LRP6: variants seen among roughly 807,000 people sequenced by gnomAD.
LRP6 encodes LDL receptor related protein 6, also known as low-density lipoprotein receptor-related protein 6.
LRP6 carries 43 observed loss-of-function variants against 184.1 expected under a neutral mutation model. The observed-to-expected ratio is 0.23, with a 90% CI of 0.18 to 0.30. The LOEUF is 0.30. Ranked by LOEUF, LRP6 falls within the 10% of genes least tolerant of loss-of-function variation. The pLI is 1.00. For synonymous variants in LRP6, 719 were observed against 684.9 expected (o/e 1.05, Z -0.78); for missense variants, 1,571 against 2,005.3 (o/e 0.78, Z 4.14).
At chr12:12,259,327 CTT>C (rs1473143840) in intron 1 of LRP6, among the ~76,000 whole-genome samples, 1 of 150,206 alleles carries the variant, frequency 6.7e-6, no homozygotes, top group Admixed American at 6.6e-5. Context: ...TCATCAATAA[CTT>C]TAGGCCTGGT....
chr12:12,218,293 C>T (rs1056815140), intron 2 of LRP6, among the ~76,000 whole-genome samples: 5 of 151,854 alleles, frequency 3.3e-5, no homozygotes, highest in Non-Finnish European at 5.9e-5. Flanking sequence ...GGCAACATAA[C>T]GAGAACCCCC....
intron 11 of LRP6, among the ~76,000 whole-genome samples, 167 bp downstream of exon 11, chr12:12,159,613 G>A (rs937097437): frequency 6.6e-6 from 1 of 152,098 alleles, no homozygotes; most frequent in Non-Finnish European, 1.5e-5. Context: ...ATGAATCCAA[G>A]TACCTGGATC....
At chr12:12,172,003 G>A (rs1020060995) in intron 7 of LRP6, among the ~76,000 whole-genome samples, 2 of 152,140 alleles carry the variant, frequency 1.3e-5, no homozygotes, top group Non-Finnish European at 2.9e-5. Flanking sequence ...TGTATATTCT[G>A]AACCCAGAAC....
intron 2 of LRP6, among the ~76,000 whole-genome samples, chr12:12,240,619 T>C (rs894639031): frequency 6.6e-6 from 1 of 152,066 alleles, no homozygotes; most frequent in African/African-American, 2.4e-5. Context: ...TTTTAAAATA[T>C]AAATATCATT....
At chr12:12,210,253 G>A (rs1864172219) in intron 2 of LRP6, among the ~76,000 whole-genome samples, 1 of 152,274 alleles carries the variant, frequency 6.6e-6, no homozygotes, top group African/African-American at 2.4e-5. Context: ...GTTGAGGACT[G>A]GATCAATATG....
chr12:12,143,118 C>T (rs750721570), intron 15 of LRP6, among the ~76,000 whole-genome samples: 2 of 152,028 alleles, frequency 1.3e-5, no homozygotes, highest in African/African-American at 4.8e-5. Context: ...TTCCATATTC[C>T]AGGCACAATT....
intron 3 of LRP6, among the ~76,000 whole-genome samples, chr12:12,188,766 C>G (rs1863541546): frequency 6.6e-6 from 1 of 152,136 alleles, no homozygotes; most frequent in African/African-American, 2.4e-5. Context: ...CTTTCTTCCA[C>G]TTTTTAAATG....
chr12:12,159,235 G>GA lies in LRP6; in HGVS notation c.2465-81dup, dbSNP rs71061015. ...AATACAAGTGTCTTGCTGGCAAAAAGAAAAAAAAAAGCCCTAACATATAAA... is the reference window on the plus strand; with the variant it reads ...AATACAAGTGTCTTGCTGGCAAAAAGAAAAAAAAAAAGCCCTAACATATAAA... On this transcript the variant is annotated intron_variant, in intron 11 of 22. Transcript: ENST00000261349. The GA allele has an allele frequency of 0.074, 65,542 of 887,840 alleles. 914 individuals are homozygous for GA. Among genetic ancestry groups the GA allele is most frequent in the Middle Eastern group, 0.13 (431 of 3,398 alleles). 55.0% of individuals were successfully genotyped at this position (887,840 alleles called of 1,614,324 possible). A position where few individuals can be genotyped will look rare whatever the true frequency, so the allele number is the denominator to read the frequency against.
At position 12,244,256 on chromosome 12, in the gene LRP6, A is replaced by C; in HGVS notation, c.449+6T>G. On this transcript the variant is annotated splice_donor_region_variant and intron_variant, in intron 2 of 22. Transcript: ENST00000261349. ...GATGATCTTCGTACACTGTACAAAAACTTACCCACTTGAAGGATCTAAGGC... is the reference window on the plus strand; with the variant it reads ...GATGATCTTCGTACACTGTACAAAACCTTACCCACTTGAAGGATCTAAGGC... The C allele has an allele frequency of 6.2e-7, 1 of 1,614,124 alleles. No individual in the cohort carries two copies. Among genetic ancestry groups the C allele is most frequent in the Non-Finnish European group, 8.5e-7 (1 of 1,180,000 alleles).
At chr12:12,203,012 A>C (rs1863955860) in intron 3 of LRP6, among the ~76,000 whole-genome samples, 191 bp downstream of exon 3, 1 of 152,240 alleles carries the variant, frequency 6.6e-6, no homozygotes, top group South Asian at 2.1e-4. Context: ...GTAAATTCTA[A>C]ATGCTATCAA....
chr12:12,137,752 T>C (rs757865960), intron 16 of LRP6, among the ~76,000 whole-genome samples: 8 of 152,184 alleles, frequency 5.3e-5, no homozygotes, highest in African/African-American at 1.9e-4. Context: ...GCAGTCATTG[T>C]TGTACCAGGA....
At chr12:12,176,023 T>C (rs1863173658) in intron 7 of LRP6, among the ~76,000 whole-genome samples, 1 of 45,960 alleles carries the variant, frequency 2.2e-5, no homozygotes, top group Admixed American at 2.8e-4. Context: ...TAAAACCTGA[T>C]CCTAAAAAAA....
chr12:12,215,236 A>G (rs1041775838), intron 2 of LRP6, among the ~76,000 whole-genome samples: 1 of 152,178 alleles, frequency 6.6e-6, no homozygotes, highest in Non-Finnish European at 1.5e-5. Context: ...TAATAAGGAA[A>G]AGTTTGAGGA....
intron 2 of LRP6, among the ~76,000 whole-genome samples, chr12:12,203,711 T>C (rs1046700759): frequency 2.0e-5 from 3 of 152,156 alleles, no homozygotes; most frequent in African/African-American, 7.2e-5. Flanking sequence ...GAGGTTGCAG[T>C]AAGCTGAGAT....
Position 12,164,578 on chromosome 12 carries a change from T to A in LRP6, c.1763-16A>T. 1 of 1,613,370 alleles carries A rather than the reference T, an allele frequency of 6.2e-7. No individual in the cohort carries two copies. The highest frequency in any genetic ancestry group is 8.5e-7 in the Non-Finnish European group (1 of 1,179,512). On this transcript the variant is annotated splice_polypyrimidine_tract_variant and intron_variant, in intron 8 of 22. Transcript: ENST00000261349. ...GGGTTGGAACCTAAAAGATTAATTA[T>A]AAAAGGGGCACAGAAGGACACACAC...
At chr12:12,166,491 T>C (rs1862881860) in intron 7 of LRP6, among the ~76,000 whole-genome samples, 1 of 152,246 alleles carries the variant, frequency 6.6e-6, no homozygotes, top group African/African-American at 2.4e-5. Flanking sequence ...AAGTTTGTGG[T>C]ATGTTAAAAT....
chr12:12,204,186 A>T lies in LRP6; in HGVS notation c.450-786T>A, dbSNP rs528785232. ...TATTATTCCTGCCCCCAAAAAATGC[A>T]TACCCCAAATAAAATTATGAGGAAA... On this transcript the variant is annotated intron_variant, in intron 2 of 22. Transcript: ENST00000261349. 3.3e-5 allele frequency among the ~76,000 whole-genome samples: 5 copies of T among 151,844 alleles called. No homozygotes were observed. The East Asian group carries it at 7.7e-4, about 24-fold the overall frequency.
chr12:12,119,996 TA>T lies in LRP6; in HGVS notation c.*1129del, dbSNP rs1565518884. 11 of 32,842 alleles carry T rather than the reference TA, an allele frequency of 3.3e-4. No homozygotes were observed. Among genetic ancestry groups the T allele is most frequent in the African/African-American group, 1.5e-3 (11 of 7,584 alleles). The allele number at this position is 32,842 out of a possible 1,614,324, so 2.0% of individuals were successfully genotyped here. A position where few individuals can be genotyped will look rare whatever the true frequency, so the allele number is the denominator to read the frequency against. ...AAAACAAACAAACAAACAAAATATA[TA>T]TATATATATATATATATATATATAT... On this transcript the variant is annotated 3_prime_UTR_variant, in exon 23 of 23. Coordinates refer to ENST00000261349, the MANE Select transcript of LRP6 (RefSeq NM_002336.3).
At chr12:12,219,079 C>T (rs950587014) in intron 2 of LRP6, among the ~76,000 whole-genome samples, 12 of 152,114 alleles carry the variant, frequency 7.9e-5, no homozygotes, top group African/African-American at 2.9e-4. Flanking sequence ...CGAGATCTCA[C>T]CACTGCACTC....
Sources: gnomAD v4.1 joint callset for allele counts (sites outside exome capture counted in the v4.1 genomes callset) on GRCh38, gnomAD v4.1.1 for gene constraint, MANE v1.5 for transcripts, NCBI Gene and HGNC (gene_info 2026-07-23, HGNC 2026-07-21) for gene names.